The following TRAK1 variants were observed in gnomAD, a reference collection of about 807,000 sequenced individuals.
The protein encoded by TRAK1 is trafficking kinesin protein 1.
In TRAK1, 33 loss-of-function variants were observed where a neutral mutation model predicts 92.1. That is an observed-to-expected ratio of 0.36 (90% confidence interval 0.27 to 0.48). TRAK1 has a LOEUF of 0.48. Among genes scored for constraint, TRAK1 ranks in the 20% least tolerant of loss-of-function variants. The pLI is 0.99. For missense variants in TRAK1, 1,123 were observed against 1,257.9 expected (o/e 0.89, Z 1.62); for synonymous variants, 521 against 517.3 (o/e 1.01, Z -0.10).
intron 1 of TRAK1, among the ~76,000 whole-genome samples, chr3:42,066,355 G>T (rs1317603415): frequency 6.6e-6 from 1 of 152,108 alleles, no homozygotes; most frequent in African/African-American, 2.4e-5. Flanking sequence ...GTTGTGAAGG[G>T]GAAGCTCTGA....
chr3:42,078,508 C>G (rs59987266), intron 1 of TRAK1, among the ~76,000 whole-genome samples: 78,126 of 151,646 alleles, frequency 0.52, 21,426 homozygotes, highest in South Asian at 0.68. Flanking sequence ...AATCCCAGCA[C>G]TTTGGGAGGC....
intron 1 of TRAK1, among the ~76,000 whole-genome samples, chr3:42,034,880 A>T (rs60842989): frequency 6.6e-6 from 1 of 150,950 alleles, no homozygotes; most frequent in South Asian, 2.1e-4. Flanking sequence ...AGCAGCACTT[A>T]GTCCATTAGC....
intron 1 of TRAK1, among the ~76,000 whole-genome samples, chr3:42,099,008 C>T (rs1223637199): frequency 3.0e-5 from 4 of 135,326 alleles, no homozygotes; most frequent in South Asian, 2.4e-4. Flanking sequence ...CATGGAATAG[C>T]GGGGATAACT....
chr3:42,182,234 G>A (rs1704108098), intron 3 of TRAK1, among the ~76,000 whole-genome samples: 2 of 152,012 alleles, frequency 1.3e-5, no homozygotes, highest in African/African-American at 4.8e-5. Flanking sequence ...TGTGTTCCCA[G>A]AAAGGCAAGG....
chr3:42,201,883 GACACAC>G (rs56336064), intron 12 of TRAK1, among the ~76,000 whole-genome samples: 2,133 of 125,118 alleles, frequency 0.017, 21 homozygotes, highest in South Asian at 0.028. Flanking sequence ...CGGACAGACG[GACACAC>G]ACACACACAC....
At chr3:42,121,707 G>A (rs1361370437) in intron 1 of TRAK1, among the ~76,000 whole-genome samples, 2 of 152,178 alleles carry the variant, frequency 1.3e-5, no homozygotes, top group Non-Finnish European at 2.9e-5. Context: ...AGAGCTGCAC[G>A]GGCCATCTCC....
chr3:42,043,147 G>T (rs1702614361), intron 1 of TRAK1, among the ~76,000 whole-genome samples: 1 of 151,940 alleles, frequency 6.6e-6, no homozygotes, highest in African/African-American at 2.4e-5. Context: ...TTGTTATTGT[G>T]GGCTTATGGG....
chr3:42,143,952 A>G (rs1420868272), intron 2 of TRAK1, among the ~76,000 whole-genome samples: 2 of 147,566 alleles, frequency 1.4e-5, no homozygotes, highest in Non-Finnish European at 2.9e-5. Flanking sequence ...AATCACCCCT[A>G]AATGATGCTG....
At chr3:42,080,660 C>G (rs1467350253) in intron 1 of TRAK1, among the ~76,000 whole-genome samples, 1 of 152,148 alleles carries the variant, frequency 6.6e-6, no homozygotes, top group Non-Finnish European at 1.5e-5. Flanking sequence ...TCAGAAATGC[C>G]TGTTTACATT....
At chr3:42,127,834 G>A (rs887642270) in intron 2 of TRAK1, among the ~76,000 whole-genome samples, 1 of 152,090 alleles carries the variant, frequency 6.6e-6, no homozygotes, top group Non-Finnish European at 1.5e-5. Flanking sequence ...TGTGTGAAAG[G>A]CTCAGTGTTT....
chr3:42,100,450 T>G (rs1307687910), intron 1 of TRAK1, among the ~76,000 whole-genome samples: 1 of 152,228 alleles, frequency 6.6e-6, no homozygotes, highest in Non-Finnish European at 1.5e-5. Flanking sequence ...TCTCATCTTT[T>G]CTCCTGCCTT....
At position 42,202,521 on chromosome 3, in the gene TRAK1, C is replaced by T. The variant is rs1417399890; in HGVS notation, c.1513C>T (p.Arg505Cys). 11 of 1,542,376 alleles carry T rather than the reference C, an allele frequency of 7.1e-6. No homozygotes were observed. Among genetic ancestry groups the T allele is most frequent in the Non-Finnish European group, 9.7e-6 (11 of 1,137,456 alleles). Residue 505 changes from arginine (R) to cysteine (C), a missense_variant, in exon 13 of 16, where the codon CGC becomes TGC. By Grantham distance (180) the Arg-to-Cys change is radical (BLOSUM62 -3). This residue lies in a region of TRAK1 where 686 missense variants were observed against 747.6 expected (regional missense o/e 0.92). Transcript: ENST00000327628. The surrounding 1 kb of genome is among the most constrained non-coding windows in gnomAD (Gnocchi z 6.1). The part of the protein sequence containing the change: ...LETALRRLSL[R>C]RENYLSERRF... Reference sequence around the variant, plus strand: ...GACGGCGCTGAGGCGGCTGTCCCTGCGCCGGGAGAACTACCTCTCGGAGAG... The same window carrying T: ...GACGGCGCTGAGGCGGCTGTCCCTGTGCCGGGAGAACTACCTCTCGGAGAG...
At chr3:42,123,966 C>A (rs1306901838) in intron 1 of TRAK1, among the ~76,000 whole-genome samples, 1 of 152,118 alleles carries the variant, frequency 6.6e-6, no homozygotes, top group East Asian at 1.9e-4. Context: ...AACATAGGGA[C>A]CTTGTCTCTA....
intron 11 of TRAK1, 42 bp from the exon 12 acceptor site, chr3:42,200,776 G>A (rs943273605): frequency 4.0e-5 from 64 of 1,601,654 alleles, no homozygotes; most frequent in Non-Finnish European, 5.4e-5. Flanking sequence ...CCAGGGTTGT[G>A]CCCGCATTTG....
At chr3:42,158,499 A>C in intron 2 of TRAK1, among the ~76,000 whole-genome samples, 1 of 150,942 alleles carries the variant, frequency 6.6e-6, no homozygotes, top group East Asian at 1.9e-4. Context: ...GTATTTTTTG[A>C]GTGTGTTTAT....
At chr3:42,102,140 C>G (rs990496160) in intron 1 of TRAK1, among the ~76,000 whole-genome samples, 1 of 152,192 alleles carries the variant, frequency 6.6e-6, no homozygotes, top group Admixed American at 6.5e-5. Flanking sequence ...CGCACACCAC[C>G]ATGCCTGGCT....
At chr3:42,052,123 A>AGAC (rs1292489279) in intron 1 of TRAK1, among the ~76,000 whole-genome samples, 1 of 152,236 alleles carries the variant, frequency 6.6e-6, no homozygotes, top group South Asian at 2.1e-4. Flanking sequence ...TTAAAGAAGC[A>AGAC]CCACCTGGGC....
At chr3:42,047,377 T>TA (rs1702796711) in intron 1 of TRAK1, among the ~76,000 whole-genome samples, 1 of 148,150 alleles carries the variant, frequency 6.7e-6, no homozygotes, top group Non-Finnish European at 1.5e-5. Context: ...TTTTTTTTTT[T>TA]AACTTTTTGT....
intron 3 of TRAK1, among the ~76,000 whole-genome samples, chr3:42,181,815 G>C (rs888786915): frequency 3.9e-5 from 6 of 152,172 alleles, no homozygotes; most frequent in African/African-American, 1.4e-4. Flanking sequence ...ACTTGGACTA[G>C]GTGCTAATTT....
Sources: allele counts gnomAD v4.1 joint callset (sites outside exome capture counted in the v4.1 genomes callset), GRCh38; gene constraint gnomAD v4.1.1; regional missense constraint gnomAD v4.1.1; non-coding constraint Gnocchi (gnomAD v3.1); transcripts MANE v1.5; gene names NCBI Gene and HGNC (gene_info 2026-07-23, HGNC 2026-07-21).